The following TNFAIP2 variants were observed in gnomAD, a reference collection of about 807,000 sequenced individuals.
TNFAIP2 encodes the protein tumor necrosis factor alpha-induced protein 2.
TNFAIP2 carries 47 observed loss-of-function variants against 63.5 expected under a neutral mutation model. The observed-to-expected ratio is 0.74, with a 90% CI of 0.59 to 0.94. The LOEUF (loss-of-function observed/expected upper bound fraction) is 0.94, where lower values mean the gene tolerates loss of function less well. TNFAIP2 is among the 40% of genes least tolerant of loss of function. The probability of loss-of-function intolerance (pLI) is 0.00; values close to 1 mark genes in which losing one functional copy is unlikely to be tolerated. For missense variants in TNFAIP2, 787 were observed against 850.2 expected (o/e 0.93, Z 0.92); for synonymous variants, 405 against 390.2 (o/e 1.04, Z -0.45).
intron 9 of TNFAIP2, 61 bp downstream of exon 9, chr14:103,132,933 C>T (rs1308324544): frequency 6.2e-7 from 1 of 1,602,124 alleles, no homozygotes; most frequent in Non-Finnish European, 8.5e-7. Context: ...CGGACACGCA[C>T]ACTAGCACGT....
chr14:103,124,003 G>A (rs950008257), intron 1 of TNFAIP2, 52 bp downstream of exon 1: 1 of 152,496 alleles, frequency 6.6e-6, no homozygotes, highest in Non-Finnish European at 1.5e-5. Flanking sequence ...GGGCGCTGTT[G>A]AGCCACTGGC....
intron 6 of TNFAIP2, 100 bp from the exon 7 acceptor site, chr14:103,130,951 AG>A: frequency 7.8e-7 from 1 of 1,276,428 alleles, no homozygotes; most frequent in Non-Finnish European, 1.1e-6. Flanking sequence ...GCAGCCAAAC[AG>A]AAAAGTGAAC....
Position 103,127,540 on chromosome 14 carries a change from C to A in TNFAIP2, c.771C>A (p.Phe257Leu), listed in dbSNP as rs1367179493. Residue 257 changes from phenylalanine to leucine, a missense_variant, in exon 3 of 12, where the codon TTC becomes TTA. Around this residue, in one of 3 missense-constraint regions of TNFAIP2, gnomAD observed 523 missense variants for 604.1 expected, o/e 0.87. Transcript: ENST00000560869. The surrounding 1 kb of genome is among the most constrained non-coding windows in gnomAD (Gnocchi z 5.1). ...AAYAESYHQH[F>L]AAHLAAVAQF... ...ACGCCGAGAGCTACCACCAGCACTT[C>A]GCGGCCCACCTGGCCGCCGTGGCGC... 2 of 1,587,006 alleles carry A rather than the reference C, an allele frequency of 1.3e-6. No homozygotes were observed. The highest frequency in any genetic ancestry group is 1.7e-6 in the Non-Finnish European group (2 of 1,173,654).
In TNFAIP2 at chr14:103,127,259, G is replaced by C. The variant is rs1290276663; in HGVS notation, c.490G>C (p.Glu164Gln). The C allele has an allele frequency of 2.0e-6, 2 of 1,015,820 alleles. No individual in the cohort carries two copies. Among genetic ancestry groups the C allele is most frequent in the African/African-American group, 3.5e-5 (2 of 56,930 alleles). 62.9% of individuals were successfully genotyped at this position (1,015,820 alleles called of 1,614,324 possible). A position where few individuals can be genotyped will look rare whatever the true frequency, so the allele number is the denominator to read the frequency against. Residue 164 changes from glutamate to glutamine, a missense_variant, in exon 3 of 12, where the codon GAG (glutamate) becomes CAG (glutamine). Glu to Gln is a conservative substitution (Grantham distance 29). Around this residue, in one of 3 missense-constraint regions of TNFAIP2, gnomAD observed 258 missense variants for 228.9 expected, o/e 1.13. Coordinates refer to ENST00000560869, the MANE Select transcript of TNFAIP2 (RefSeq NM_006291.4). This position sits in a 1 kb window ranked among gnomAD's most constrained non-coding sequence, Gnocchi z 5.1. ...ALAVVAEQEREDRQAAAAGPG... is the reference protein window; with the variant it reads ...ALAVVAEQERQDRQAAAAGPG... ...GGCCGTGGTGGCGGAGCAGGAGCGC[G>C]AGGACCGCCAGGCGGCGGCGGCGGG...
Position 103,127,667 on chromosome 14 carries a change from G to A in TNFAIP2, c.860+38G>A, listed in dbSNP as rs1430917090. On this transcript the variant is annotated intron_variant, in intron 3 of 11. Transcript: ENST00000560869. The surrounding 1 kb of genome is among the most constrained non-coding windows in gnomAD (Gnocchi z 5.1). ...GGGGCTGGGCCCGGGCCGGCAGGGA[G>A]GGTGTCCTCTGTAGGAGGGGTGTCG... 7.0e-7 allele frequency: 1 copy of A among 1,434,306 alleles called. No individual in the cohort carries two copies. The highest frequency in any genetic ancestry group is 2.6e-5 in the Admixed American group (1 of 37,780). 88.8% of individuals were successfully genotyped at this position (1,434,306 alleles called of 1,614,324 possible). A position where few individuals can be genotyped will look rare whatever the true frequency, so the allele number is the denominator to read the frequency against.
chr14:103,135,221 A>G lies in TNFAIP2; in HGVS notation c.1826A>G (p.Lys609Arg). Residue 609 changes from lysine (K) to arginine (R), a missense_variant and splice_region_variant, in exon 12 of 12, where the codon AAA becomes AGA. Lys to Arg is a conservative substitution (Grantham distance 26). Coordinates refer to ENST00000560869, the MANE Select transcript of TNFAIP2 (RefSeq NM_006291.4). The surrounding 1 kb of genome is among the most constrained non-coding windows in gnomAD (Gnocchi z 7.6). ...TGACAGGATGCTCTCTTTGCCAGCA[A>G]AGGCCACCTGAGCGCTATCCTGGCC... ...TYATCYPDFS[K>R]GHLSAILAIK... 1 of 1,613,824 alleles carries G rather than the reference A, an allele frequency of 6.2e-7. No homozygotes were observed. The highest frequency in any genetic ancestry group is 2.2e-5 in the East Asian group (1 of 44,880).
chr14:103,133,923 A>C, intron 11 of TNFAIP2, 120 bp downstream of exon 11: 1 of 1,279,948 alleles, frequency 7.8e-7, no homozygotes, highest in Non-Finnish European at 1.0e-6. Context: ...TGTGAACCTC[A>C]CCAGGGGCTC....
In TNFAIP2 at chr14:103,127,547, C is replaced by T. The variant is rs2087885931; in HGVS notation, c.778C>T (p.His260Tyr). 1.3e-6 allele frequency: 2 copies of T among 1,585,644 alleles called. No homozygotes were observed. The highest frequency in any genetic ancestry group is 1.7e-6 in the Non-Finnish European group (2 of 1,172,910). ...AESYHQHFAA[H>Y]LAAVAQFELC... ...GAGCTACCACCAGCACTTCGCGGCCCACCTGGCCGCCGTGGCGCAGTTCGA... is the reference window on the plus strand; with the variant it reads ...GAGCTACCACCAGCACTTCGCGGCCTACCTGGCCGCCGTGGCGCAGTTCGA... The change falls in exon 3 of 12, where the codon CAC (histidine) becomes TAC (tyrosine). Residue 260 changes from histidine to tyrosine, a missense_variant. His to Tyr is a moderately conservative substitution (Grantham distance 83). Around this residue, in one of 3 missense-constraint regions of TNFAIP2, gnomAD observed 523 missense variants for 604.1 expected, o/e 0.87. Transcript: ENST00000560869. The surrounding 1 kb of genome is among the most constrained non-coding windows in gnomAD (Gnocchi z 5.1).
At position 103,136,875 on chromosome 14, in the gene TNFAIP2, T is replaced by G. The variant is rs912890015; in HGVS notation, c.*1515T>G. The stretch of plus-strand genomic sequence containing the variant: ...CCAGAGAACCCAGGTCGTCTTTCTA[T>G]TTTCAGGTCAGCTGATTAGCCACCT... On this transcript the variant is annotated 3_prime_UTR_variant, in exon 12 of 12. Coordinates refer to ENST00000560869, the MANE Select transcript of TNFAIP2 (RefSeq NM_006291.4). The G allele has an allele frequency of 6.6e-6, 1 of 152,236 alleles. No homozygotes were observed. The highest frequency in any genetic ancestry group is 2.4e-5 in the African/African-American group (1 of 41,446). 9.4% of individuals were successfully genotyped at this position (152,236 alleles called of 1,614,324 possible). A position where few individuals can be genotyped will look rare whatever the true frequency, so the allele number is the denominator to read the frequency against.
intron 8 of TNFAIP2, 98 bp from the exon 9 acceptor site, chr14:103,132,652 T>C: frequency 2.7e-6 from 4 of 1,502,398 alleles, no homozygotes; most frequent in Non-Finnish European, 3.6e-6. Flanking sequence ...ACCAGGCACA[T>C]GTGTCGGTGT....
At chr14:103,122,028 C>T (rs1347923088), upstream of TNFAIP2, among the ~76,000 whole-genome samples, 1 of 152,166 alleles carries the variant, frequency 6.6e-6, no homozygotes, top group Non-Finnish European at 1.5e-5. Flanking sequence ...TGGATGAACT[C>T]CATCTGCGCG....
intron 10 of TNFAIP2, 52 bp downstream of exon 10, chr14:103,133,569 C>A: frequency 1.3e-6 from 2 of 1,597,894 alleles, no homozygotes; most frequent in Non-Finnish European, 8.5e-7. Context: ...TGCCTCTTCT[C>A]CCCTAGCCCT....
At chr14:103,128,637 T>G (rs1005818228) in intron 3 of TNFAIP2, among the ~76,000 whole-genome samples, 12 of 151,964 alleles carry the variant, frequency 7.9e-5, no homozygotes, top group Admixed American at 3.9e-4. Flanking sequence ...CAGTTCGTGT[T>G]GAAGGGTCAG....
intron 3 of TNFAIP2, among the ~76,000 whole-genome samples, chr14:103,128,278 G>T (rs529842768): frequency 3.9e-5 from 6 of 152,196 alleles, no homozygotes; most frequent in African/African-American, 1.4e-4. Flanking sequence ...CTAGGGCCAC[G>T]TGTCTTGTTA....
chr14:103,129,325 G>C (rs1164944610), intron 3 of TNFAIP2, among the ~76,000 whole-genome samples: 1 of 152,188 alleles, frequency 6.6e-6, no homozygotes, highest in African/African-American at 2.4e-5. Flanking sequence ...AAGAAGATCA[G>C]ATCTTAAAGG....
rs1441408886 is a variant in TNFAIP2 at position 103,131,803 on chromosome 14, G to A, written c.1422+41G>A. 1.0e-5 allele frequency: 16 copies of A among 1,591,242 alleles called. No individual in the cohort carries two copies. Among genetic ancestry groups the A allele is most frequent in the Non-Finnish European group, 1.4e-5 (16 of 1,167,522 alleles). The stretch of plus-strand genomic sequence containing the variant: ...TGCCCTCAGGAGCCCAGTGTTGGGG[G>A]GTTCCCAGGGAGGGACTGGGAGGTG... On this transcript the variant is annotated intron_variant, in intron 8 of 11. Coordinates refer to ENST00000560869, the MANE Select transcript of TNFAIP2 (RefSeq NM_006291.4). The surrounding 1 kb of genome is among the most constrained non-coding windows in gnomAD (Gnocchi z 4.0).
rs376255015 is a variant in TNFAIP2 at position 103,126,678 on chromosome 14, G to A, written c.221G>A (p.Gly74Asp). The A allele has an allele frequency of 3.2e-6, 5 of 1,557,578 alleles. No individual in the cohort carries two copies. In the African/African-American group the frequency reaches 4.1e-5, roughly 13 times the overall value. The change falls in exon 2 of 12, where the codon GGC becomes GAC. Residue 74 changes from glycine to aspartate, a missense_variant. Gly to Asp is a moderately conservative substitution (Grantham distance 94). This residue lies in a region of TNFAIP2 where 258 missense variants were observed against 228.9 expected (regional missense o/e 1.13). Transcript: ENST00000560869. Reference protein sequence around the residue: ...DAAGSRQGLDGPPPTVEELKA... With the variant: ...DAAGSRQGLDDPPPTVEELKA... ...GCCGGGTCCAGGCAGGGGCTGGATG[G>A]CCCGCCCCCCACAGGTGCTCTAGGA... is the stretch of plus-strand genomic sequence containing the variant.
chr14:103,128,469 T>C (rs1167039730), intron 3 of TNFAIP2, among the ~76,000 whole-genome samples: 1 of 152,058 alleles, frequency 6.6e-6, no homozygotes, highest in African/African-American at 2.4e-5. Context: ...TACTGCAGTG[T>C]GGAAAGGCCC....
In TNFAIP2 at chr14:103,131,798, T is replaced by C. The variant is rs1321524877; in HGVS notation, c.1422+36T>C. On this transcript the variant is annotated intron_variant, in intron 8 of 11. Transcript: ENST00000560869. This position sits in a 1 kb window ranked among gnomAD's most constrained non-coding sequence, Gnocchi z 4.0. ...CCTCTTGCCCTCAGGAGCCCAGTGTTGGGGGGTTCCCAGGGAGGGACTGGG... is the reference window on the plus strand; with the variant it reads ...CCTCTTGCCCTCAGGAGCCCAGTGTCGGGGGGTTCCCAGGGAGGGACTGGG... 6.3e-7 allele frequency: 1 copy of C among 1,595,408 alleles called. No homozygotes were observed. The highest frequency in any genetic ancestry group is 1.7e-5 in the Admixed American group (1 of 59,232).
Sources: allele counts gnomAD v4.1 joint callset (sites outside exome capture counted in the v4.1 genomes callset), GRCh38; gene constraint gnomAD v4.1.1; regional missense constraint gnomAD v4.1.1; non-coding constraint Gnocchi (gnomAD v3.1); transcripts MANE v1.5; gene names NCBI Gene and HGNC (gene_info 2026-07-23, HGNC 2026-07-21).